Variants in PDE8A observed in about 807,000 individuals in gnomAD.
PDE8A encodes the protein high affinity cAMP-specific and IBMX-insensitive 3',5'-cyclic phosphodiesterase 8A.
A neutral mutation model predicts 105.0 loss-of-function variants in PDE8A; 59 were observed. That is an observed-to-expected ratio of 0.56 (90% CI 0.46 to 0.70). The LOEUF (loss-of-function observed/expected upper bound fraction) is 0.70, where lower values mean the gene tolerates loss of function less well. Among genes scored for constraint, PDE8A ranks in the 30% least tolerant of loss-of-function variants. PDE8A has a pLI of 0.00. For synonymous variants in PDE8A, 355 were observed against 371.9 expected (o/e 0.95, Z 0.52); for missense variants, 1,014 against 1,045.9 (o/e 0.97, Z 0.42).
chr15:84,990,078 A>G (rs917747802), intron 1 of PDE8A, among the ~76,000 whole-genome samples: 3 of 152,168 alleles, frequency 2.0e-5, no homozygotes, highest in South Asian at 2.1e-4. Flanking sequence ...AACTTTGGGC[A>G]TGGTAACACA....
chr15:85,028,321 C>T (rs1194058195), intron 1 of PDE8A, among the ~76,000 whole-genome samples: 1 of 151,940 alleles, frequency 6.6e-6, no homozygotes, highest in Admixed American at 6.6e-5. Flanking sequence ...CTCAAATGAT[C>T]CTCCCTCCTA....
chr15:85,090,895 T>C (rs1291806977), intron 7 of PDE8A, 149 bp from the exon 8 acceptor site: 2 of 694,514 alleles, frequency 2.9e-6, no homozygotes, highest in Non-Finnish European at 5.2e-6. Context: ...GTTATGTGCT[T>C]ATGGCTTCAC....
At chr15:84,993,927 G>GT (rs1426126836) in intron 1 of PDE8A, among the ~76,000 whole-genome samples, 1 of 152,082 alleles carries the variant, frequency 6.6e-6, no homozygotes. Context: ...AAGCAGTTTT[G>GT]TTTTTTAGTT....
At position 85,115,361 on chromosome 15, in the gene PDE8A, G is replaced by A. The variant is rs951568859; in HGVS notation, c.1351-78G>A. On this transcript the variant is annotated intron_variant, in intron 14 of 21. Coordinates refer to ENST00000394553, the MANE Select transcript of PDE8A (RefSeq NM_002605.3). ...AGAGGGCTGCCCTGAGTTGTCCTGT[G>A]GGAGGACCACCTGGAGTTTCCAGGA... 61 of 919,906 alleles carry A rather than the reference G, an allele frequency of 6.6e-5. 1 individual carries two copies. Among genetic ancestry groups the A allele is most frequent in the Non-Finnish European group, 1.4e-5 (8 of 589,196 alleles). The allele number at this position is 919,906 out of a possible 1,614,324, so 57.0% of individuals were successfully genotyped here. A position where few individuals can be genotyped will look rare whatever the true frequency, so the allele number is the denominator to read the frequency against.
At chr15:85,040,393 A>G (rs1378695614) in intron 1 of PDE8A, among the ~76,000 whole-genome samples, 2 of 151,098 alleles carry the variant, frequency 1.3e-5, no homozygotes, top group Non-Finnish European at 3.0e-5. Context: ...AAAAAAAAGA[A>G]AAGAAAAGAA....
chr15:85,057,092 C>G (rs1220103867), intron 1 of PDE8A, among the ~76,000 whole-genome samples: 1 of 152,194 alleles, frequency 6.6e-6, no homozygotes, highest in Non-Finnish European at 1.5e-5. Context: ...ACTCCAGACC[C>G]TGTTTGCCTG....
At chr15:85,075,612 A>T (rs369382623) in intron 3 of PDE8A, among the ~76,000 whole-genome samples, 49 of 152,358 alleles carry the variant, frequency 3.2e-4, no homozygotes, top group Middle Eastern at 3.4e-3. Context: ...AGTAGAATAC[A>T]TGTCATCTTA....
chr15:85,108,011 G>A (rs1331176389), intron 11 of PDE8A, among the ~76,000 whole-genome samples: 1 of 152,164 alleles, frequency 6.6e-6, no homozygotes, highest in Non-Finnish European at 1.5e-5. Flanking sequence ...TCTGCAAACA[G>A]AAGTGTCCAG....
intron 6 of PDE8A, among the ~76,000 whole-genome samples, chr15:85,089,082 CG>C (rs2081598577): frequency 6.6e-6 from 1 of 152,004 alleles, no homozygotes; most frequent in South Asian, 2.1e-4. Context: ...GTGATTTGAC[CG>C]TGGTATGTGG....
chr15:85,055,612 A>G (rs989149781), intron 1 of PDE8A, among the ~76,000 whole-genome samples: 1 of 152,134 alleles, frequency 6.6e-6, no homozygotes, highest in Non-Finnish European at 1.5e-5. Flanking sequence ...AGTCTGTTTT[A>G]TCAGAGACTA....
At chr15:85,079,600 AAC>A (rs902947311) in intron 5 of PDE8A, among the ~76,000 whole-genome samples, 4 of 152,216 alleles carry the variant, frequency 2.6e-5, no homozygotes, top group Admixed American at 6.5e-5. Context: ...ATCAGTGAGA[AAC>A]ACAAAGTCAG....
intron 1 of PDE8A, among the ~76,000 whole-genome samples, chr15:85,022,873 C>T (rs984580133): frequency 4.6e-5 from 7 of 152,062 alleles, no homozygotes; most frequent in Admixed American, 3.9e-4. Flanking sequence ...CTAATGGGAT[C>T]AAGAGAATAT....
chr15:85,012,368 A>G (rs1159207450), intron 1 of PDE8A, among the ~76,000 whole-genome samples: 1 of 152,318 alleles, frequency 6.6e-6, no homozygotes, highest in East Asian at 1.9e-4. Context: ...CTATGCAGCC[A>G]TAAAAAATGA....
At chr15:85,023,992 C>T (rs1461593928) in intron 1 of PDE8A, among the ~76,000 whole-genome samples, 3 of 150,370 alleles carry the variant, frequency 2.0e-5, no homozygotes, top group Non-Finnish European at 4.4e-5. Flanking sequence ...CTTGATGCTA[C>T]GAAGAGTGGA....
chr15:85,138,508 A>G lies in PDE8A; in HGVS notation c.*605A>G, dbSNP rs1411380479. 1.3e-5 allele frequency: 2 copies of G among 152,690 alleles called. No homozygotes were observed. Among genetic ancestry groups the G allele is most frequent in the Non-Finnish European group, 2.9e-5 (2 of 68,042 alleles). The allele number at this position is 152,690 out of a possible 1,614,324, so 9.5% of individuals were successfully genotyped here. On this transcript the variant is annotated 3_prime_UTR_variant, in exon 22 of 22. Coordinates refer to ENST00000394553, the MANE Select transcript of PDE8A (RefSeq NM_002605.3). ...TACTTCAGAGCCAAAGCCAACTTCA[A>G]ATACCGTGACCAAATTTACATGATT... is the stretch of plus-strand genomic sequence containing the variant.
At chr15:85,088,767 A>C (rs901262552) in intron 6 of PDE8A, among the ~76,000 whole-genome samples, 1 of 152,214 alleles carries the variant, frequency 6.6e-6, no homozygotes, top group Non-Finnish European at 1.5e-5. Context: ...TTTTTTCAAT[A>C]AACATTGTCA....
intron 8 of PDE8A, among the ~76,000 whole-genome samples, chr15:85,092,541 G>C (rs183477473): frequency 6.6e-6 from 1 of 152,176 alleles, no homozygotes; most frequent in Admixed American, 6.5e-5. Context: ...CATGGTGGGG[G>C]TGTTACCATG....
intron 8 of PDE8A, among the ~76,000 whole-genome samples, chr15:85,092,753 C>G (rs1856179726): frequency 6.6e-6 from 1 of 152,098 alleles, no homozygotes; most frequent in African/African-American, 2.4e-5. Context: ...TGGGCTCCAT[C>G]CAGTTCTGTG....
At chr15:85,088,292 T>G (rs898327576) in intron 6 of PDE8A, among the ~76,000 whole-genome samples, 10 of 152,238 alleles carry the variant, frequency 6.6e-5, no homozygotes, top group Admixed American at 5.9e-4. Flanking sequence ...CCCAAAGTGT[T>G]GGGATTAGGG....
Sources: gnomAD v4.1 joint callset for allele counts (sites outside exome capture counted in the v4.1 genomes callset) on GRCh38, gnomAD v4.1.1 for gene constraint, MANE v1.5 for transcripts, NCBI Gene and HGNC (gene_info 2026-07-23, HGNC 2026-07-21) for gene names.